The following GALNT17 variants were observed in gnomAD, a reference collection of about 807,000 sequenced individuals.
GALNT17 encodes the protein UDP-GalNAc:polypeptide N-acetylgalactosaminyltransferase-like 3.
In GALNT17, 29 loss-of-function variants were observed where a neutral mutation model predicts 63.7. The ratio of observed to expected loss-of-function variants is 0.46; its 90% CI spans 0.34 to 0.62. The LOEUF is 0.62. GALNT17 is among the 20% of genes least tolerant of loss of function. The probability of loss-of-function intolerance (pLI) is 0.01; values close to 1 mark genes in which losing one functional copy is unlikely to be tolerated. For synonymous variants in GALNT17, 305 were observed against 318.3 expected (o/e 0.96, Z 0.45); for missense variants, 603 against 799.6 (o/e 0.75, Z 2.97).
intron 1 of GALNT17, among the ~76,000 whole-genome samples, chr7:71,189,875 A>T (rs1033992568): frequency 6.8e-6 from 1 of 147,634 alleles, no homozygotes; most frequent in African/African-American, 2.5e-5. Flanking sequence ...CAATGGCGTG[A>T]TCTCAGCTCA....
chr7:71,459,665 G>A (rs1787417428), intron 5 of GALNT17, among the ~76,000 whole-genome samples: 2 of 152,080 alleles, frequency 1.3e-5, no homozygotes, highest in Non-Finnish European at 2.9e-5. Context: ...GCCATATTTT[G>A]AAATGGTCCT....
chr7:71,292,676 T>A (rs932554859), intron 1 of GALNT17, among the ~76,000 whole-genome samples: 2,799 of 105,510 alleles, frequency 0.027, 75 homozygotes, highest in African/African-American at 0.089. Context: ...AGAGTGTGTG[T>A]GTGTGTGTGT....
intron 2 of GALNT17, among the ~76,000 whole-genome samples, chr7:71,384,281 T>C (rs1298360813): frequency 6.6e-6 from 1 of 152,202 alleles, no homozygotes; most frequent in Non-Finnish European, 1.5e-5. Flanking sequence ...TTGTGGTAAC[T>C]GGCACATCCC....
At chr7:71,319,304 GCT>G (rs1206951060) in intron 1 of GALNT17, among the ~76,000 whole-genome samples, 131 of 152,092 alleles carry the variant, frequency 8.6e-4, no homozygotes, top group African/African-American at 2.9e-3. Context: ...TGAAATTGGT[GCT>G]GTGAACATCA....
chr7:71,318,842 C>T (rs1791549086), intron 1 of GALNT17, among the ~76,000 whole-genome samples: 1 of 152,184 alleles, frequency 6.6e-6, no homozygotes, highest in African/African-American at 2.4e-5. Flanking sequence ...ATCTTCTCCT[C>T]CCAAGAACAA....
chr7:71,281,738 T>A (rs75819295), intron 1 of GALNT17, among the ~76,000 whole-genome samples: 4,067 of 152,332 alleles, frequency 0.027, 101 homozygotes, highest in East Asian at 0.13. Context: ...TGGTTTTGAA[T>A]TTGGGAGACA....
At chr7:71,289,204 T>TA (rs1790932335) in intron 1 of GALNT17, among the ~76,000 whole-genome samples, 1 of 148,422 alleles carries the variant, frequency 6.7e-6, no homozygotes, top group East Asian at 2.0e-4. Context: ...TCTGACCACG[T>TA]CTTTTTTTTT....
At chr7:71,598,241 C>T (rs929439589) in intron 6 of GALNT17, among the ~76,000 whole-genome samples, 1 of 152,162 alleles carries the variant, frequency 6.6e-6, no homozygotes, top group East Asian at 1.9e-4. Context: ...CGTGCCCGGC[C>T]GGTAGTTTCA....
intron 1 of GALNT17, among the ~76,000 whole-genome samples, chr7:71,257,346 TCTC>T (rs1208581468): frequency 6.6e-6 from 1 of 152,116 alleles, no homozygotes; most frequent in Non-Finnish European, 1.5e-5. Context: ...CATTATGAAA[TCTC>T]CTGAAAGTTC....
At chr7:71,474,225 C>G (rs1005945339) in intron 5 of GALNT17, among the ~76,000 whole-genome samples, 1 of 152,156 alleles carries the variant, frequency 6.6e-6, no homozygotes, top group African/African-American at 2.4e-5. Flanking sequence ...GTGAGGATGA[C>G]CAGACGTCAC....
chr7:71,243,113 GTTC>G (rs1358330110), intron 1 of GALNT17, among the ~76,000 whole-genome samples: 3 of 152,086 alleles, frequency 2.0e-5, no homozygotes, highest in African/African-American at 7.2e-5. Flanking sequence ...CCTCAAGGCT[GTTC>G]TTGTGATAGT....
chr7:71,216,088 A>T lies in GALNT17; in HGVS notation c.238+83048A>T, dbSNP rs567659621. On this transcript the variant is annotated intron_variant, in intron 1 of 10. Transcript: ENST00000333538. The stretch of plus-strand genomic sequence containing the variant: ...ATAAAAAAGCCAAGCGTGGTAGTGC[A>T]CACCTGTAGCCCCAGCTACTTAGGA... Among the ~76,000 whole-genome samples, 3 of 151,854 alleles carry T rather than the reference A, an allele frequency of 2.0e-5. No individual in the cohort carries two copies. The East Asian group carries it at 5.8e-4, about 30-fold the overall frequency.
intron 2 of GALNT17, among the ~76,000 whole-genome samples, chr7:71,375,587 T>G (rs1792707292): frequency 6.6e-6 from 1 of 152,092 alleles, no homozygotes; most frequent in African/African-American, 2.4e-5. Flanking sequence ...CCTATCTAAT[T>G]TATAAATTAT....
chr7:71,701,824 TATAC>T (rs1463042392), intron 9 of GALNT17, among the ~76,000 whole-genome samples: 124 of 9,536 alleles, frequency 0.013, 2 homozygotes, highest in Non-Finnish European at 0.038. Context: ...TACACATATA[TATAC>T]ACATATATAT....
chr7:71,134,747 A>G (rs977545939), intron 1 of GALNT17, among the ~76,000 whole-genome samples: 5 of 151,520 alleles, frequency 3.3e-5, no homozygotes, highest in African/African-American at 1.2e-4. Context: ...AGACATACCC[A>G]TAGGAACTTC....
intron 1 of GALNT17, among the ~76,000 whole-genome samples, chr7:71,221,154 C>A (rs879760852): frequency 3.3e-5 from 5 of 152,024 alleles, no homozygotes; most frequent in Non-Finnish European, 5.9e-5. Flanking sequence ...AGCCCTGGAG[C>A]CCCTAGTGGG....
At chr7:71,585,866 C>G (rs1405634300) in intron 6 of GALNT17, among the ~76,000 whole-genome samples, 1 of 151,810 alleles carries the variant, frequency 6.6e-6, no homozygotes, top group East Asian at 1.9e-4. Context: ...TCAGTTCTTT[C>G]CTCCTCCCCA....
At chr7:71,162,123 CCCTTCCTT>C (rs527578764) in intron 1 of GALNT17, among the ~76,000 whole-genome samples, 82 of 53,792 alleles carry the variant, frequency 1.5e-3, no homozygotes, top group East Asian at 0.011. Context: ...CTCCCTCCCT[CCCTTCCTT>C]CCTTCCTTCC....
rs1787705697 is a variant in GALNT17, at chr7:71,132,765, G to A, written c.-38G>A. On this transcript the variant is annotated 5_prime_UTR_variant, in exon 1 of 11. Transcript: ENST00000333538. ...CCCCGCGCCTCGCCGGAGCCCGAGG[G>A]GGCGCAGGTCCGGGGCGAGGGCCGG... The A allele has an allele frequency of 1.3e-6, 2 of 1,533,226 alleles. No homozygotes were observed. Among genetic ancestry groups the A allele is most frequent in the Admixed American group, 2.0e-5 (1 of 51,172 alleles). The allele number at this position is 1,533,226 out of a possible 1,614,324, so 95.0% of individuals were successfully genotyped here.
Sources: allele counts gnomAD v4.1 joint callset (sites outside exome capture counted in the v4.1 genomes callset), GRCh38; gene constraint gnomAD v4.1.1; transcripts MANE v1.5; gene names NCBI Gene and HGNC (gene_info 2026-07-23, HGNC 2026-07-21).